The following FBF1 variants were observed in gnomAD, a reference collection of about 807,000 sequenced individuals.
FBF1 encodes the protein Fas binding factor 1.
A neutral mutation model predicts 147.2 loss-of-function variants in FBF1; 119 were observed. The ratio of observed to expected loss-of-function variants is 0.81; its 90% CI spans 0.70 to 0.94. The LOEUF is 0.94. Ranked by LOEUF, FBF1 falls within the 40% of genes least tolerant of loss-of-function variation. FBF1 has a pLI of 0.00. For missense variants in FBF1, 1,449 were observed against 1,500.8 expected, an observed-to-expected ratio of 0.97 and a Z score of 0.57; for synonymous variants, 601 against 609.0, an observed-to-expected ratio of 0.99 and a Z score of 0.19.
intron 6 of FBF1, 86 bp downstream of exon 6, chr17:75,931,143 C>T: frequency 1.4e-6 from 2 of 1,416,042 alleles, no homozygotes; most frequent in East Asian, 2.5e-5. Flanking sequence ...CTTCTAAACC[C>T]TTCCGTGGGC....
rs1214010640 is a variant in FBF1 at position 75,928,979 on chromosome 17, C to T, written c.280-786G>A. On this transcript the variant is annotated intron_variant, in intron 7 of 29. Coordinates refer to ENST00000636174, the MANE Select transcript of FBF1 (RefSeq NM_001319193.2). The surrounding 1 kb of genome is among the most constrained non-coding windows in gnomAD (Gnocchi z 4.2). ...GTGCTGGCATTACAGGAGTAAGCCA[C>T]CATGCCAGACTTTTTTTTTTTTTTT... 6.7e-6 allele frequency among the ~76,000 whole-genome samples: 1 copy of T among 150,030 alleles called. No individual in the cohort carries two copies. The highest frequency in any genetic ancestry group is 2.5e-5 in the African/African-American group (1 of 40,646).
rs146980654 is a variant in FBF1, at chr17:75,925,572, G to A, written c.869-126C>T. ...GTAAGACAAGCAGAGGGAAGCTGCT[G>A]TGAAGGGAGCACCTCAGGCACTGGC... is the stretch of plus-strand genomic sequence containing the variant. On this transcript the variant is annotated intron_variant, in intron 12 of 29. Coordinates refer to ENST00000636174, the MANE Select transcript of FBF1 (RefSeq NM_001319193.2). This position sits in a 1 kb window ranked among gnomAD's most constrained non-coding sequence, Gnocchi z 5.0. 5 of 802,924 alleles carry A rather than the reference G, an allele frequency of 6.2e-6. No homozygotes were observed. The highest frequency in any genetic ancestry group is 5.4e-5 in the East Asian group (2 of 36,698). The allele number at this position is 802,924 out of a possible 1,614,324, so 49.7% of individuals were successfully genotyped here. A position where few individuals can be genotyped will look rare whatever the true frequency, so the allele number is the denominator to read the frequency against.
chr17:75,935,703 C>T, intron 3 of FBF1, 30 bp from the exon 4 acceptor site: 3 of 1,533,762 alleles, frequency 2.0e-6, no homozygotes, highest in South Asian at 2.4e-5. Context: ...GTCATGACTT[C>T]AGGAGGAAAG....
chr17:75,928,535 G>A lies in FBF1; in HGVS notation c.280-342C>T, dbSNP rs982854899. On this transcript the variant is annotated intron_variant, in intron 7 of 29. Transcript: ENST00000636174. The surrounding 1 kb of genome is among the most constrained non-coding windows in gnomAD (Gnocchi z 4.2). Reference sequence around the variant, plus strand: ...TCTTTTTTTAGACAGGATATTGGCCGGGCGCGGTGGCTCATGCCTAGAATC... The same window carrying A: ...TCTTTTTTTAGACAGGATATTGGCCAGGCGCGGTGGCTCATGCCTAGAATC... Among the ~76,000 whole-genome samples, 12 of 152,136 alleles carry A rather than the reference G, an allele frequency of 7.9e-5. No homozygotes were observed. In the East Asian group the frequency reaches 9.7e-4, roughly 12 times the overall value.
intron 23 of FBF1, among the ~76,000 whole-genome samples, chr17:75,915,951 T>C (rs1056034756): frequency 7.2e-6 from 1 of 138,452 alleles, no homozygotes; most frequent in Non-Finnish European, 1.5e-5. Context: ...AAGTTTGCAG[T>C]GAGCTGAGAT....
chr17:75,911,139 G>A (rs1435379328), intron 29 of FBF1, among the ~76,000 whole-genome samples: 1 of 152,130 alleles, frequency 6.6e-6, no homozygotes, highest in Admixed American at 6.6e-5. Flanking sequence ...ACACAAAGCA[G>A]GCCAGGCACA....
Position 75,918,211 on chromosome 17 carries a change from G to T in FBF1, c.2197C>A (p.Leu733Met). ...HEEQLQRLKL[L>M]KDREVDAATS... Reference sequence around the variant, plus strand: ...GCCGCATCGACCTCTCGGTCCTTCAGCAGCTTTAGCCGCTGCAGCTGCTCC... The same window carrying T: ...GCCGCATCGACCTCTCGGTCCTTCATCAGCTTTAGCCGCTGCAGCTGCTCC... The change falls in exon 21 of 30, where the codon CTG (leucine) becomes ATG (methionine). Residue 733 changes from leucine (L) to methionine (M), a missense_variant. Physicochemically the swap from Leu to Met is conservative, Grantham distance 15. Transcript: ENST00000636174. The surrounding 1 kb of genome is among the most constrained non-coding windows in gnomAD (Gnocchi z 5.8). 6.2e-7 allele frequency: 1 copy of T among 1,613,470 alleles called. No individual in the cohort carries two copies. Among genetic ancestry groups the T allele is most frequent in the Non-Finnish European group, 8.5e-7 (1 of 1,179,866 alleles).
In FBF1 at chr17:75,913,949, C is replaced by G. The variant is rs773020817; in HGVS notation, c.3093G>C (p.Gln1031His). The stretch of plus-strand genomic sequence containing the variant: ...GCTGCTCCTGCTTCCGCAGCCGCTC[C>G]TGCTGTTGCTGCACCGCCTGCAACC... ...QARLQAVQQQ[Q>H]ERLRKQEQHM... Residue 1031 changes from glutamine to histidine, a missense_variant, in exon 27 of 30, where the codon CAG becomes CAC. Coordinates refer to ENST00000636174, the MANE Select transcript of FBF1 (RefSeq NM_001319193.2). 154 of 1,551,462 alleles carry G rather than the reference C, an allele frequency of 9.9e-5. No individual in the cohort carries two copies. Among genetic ancestry groups the G allele is most frequent in the Middle Eastern group, 5.0e-4 (3 of 5,978 alleles).
In FBF1 at chr17:75,912,218, C is replaced by A. The variant is rs2144148251; in HGVS notation, c.3337G>T (p.Ala1113Ser). Reference sequence around the variant, plus strand: ...TGCTCTGCCATGTGCCTCAGCAGTGCCAGCCTGGCATGGAGGTGCAAGGGG... The same window carrying A: ...TGCTCTGCCATGTGCCTCAGCAGTGACAGCCTGGCATGGAGGTGCAAGGGG... ...PSPLHLHARLALLRHMAEQDR... is the reference protein window; with the variant it reads ...PSPLHLHARLSLLRHMAEQDR... Residue 1113 changes from alanine (A) to serine (S), a missense_variant, in exon 29 of 30, where the codon GCA becomes TCA. Transcript: ENST00000636174. The A allele has an allele frequency of 1.2e-6, 2 of 1,610,280 alleles. No homozygotes were observed. Among genetic ancestry groups the A allele is most frequent in the Non-Finnish European group, 1.7e-6 (2 of 1,178,898 alleles).
intron 28 of FBF1, 148 bp downstream of exon 28, chr17:75,913,552 AAC>A (rs1476820938): frequency 8.8e-5 from 48 of 546,412 alleles, no homozygotes; most frequent in Non-Finnish European, 1.1e-4. Context: ...ATCTAAAATT[AAC>A]ACACATTATT....
Position 75,917,929 on chromosome 17 carries a change from A to G in FBF1, c.2386+2T>C. The G allele has an allele frequency of 6.3e-7, 1 of 1,596,524 alleles. No homozygotes were observed. The highest frequency in any genetic ancestry group is 8.5e-7 in the Non-Finnish European group (1 of 1,170,996). On this transcript the variant is annotated splice_donor_variant, in intron 22 of 29. Coordinates refer to ENST00000636174, the MANE Select transcript of FBF1 (RefSeq NM_001319193.2). LOFTEE classifies it high-confidence loss of function. ...CGGGGTGGCTGAGAGGGGAGGGCGT[A>G]CCCCGCAGCTGCTCGTCACGCTGCC...
At chr17:75,933,137 G>A (rs1372576617) in intron 4 of FBF1, 49 bp from the exon 5 acceptor site, 2 of 1,431,002 alleles carry the variant, frequency 1.4e-6, no homozygotes, top group Admixed American at 1.9e-5. Context: ...AAGGTACCTG[G>A]AGTCAAGATG....
intron 1 of FBF1, 116 bp from the exon 2 acceptor site, chr17:75,938,348 G>C (rs915064927): frequency 1.4e-6 from 1 of 714,730 alleles, no homozygotes; most frequent in African/African-American, 1.8e-5. Flanking sequence ...ATCACCTGAG[G>C]TCAGGAATTC....
At position 75,932,962 on chromosome 17, in the gene FBF1, G is replaced by A. The variant is rs781342704; in HGVS notation, c.167+33C>T. The A allele has an allele frequency of 1.9e-5, 28 of 1,488,468 alleles. No individual in the cohort carries two copies. In the Admixed American group the frequency reaches 1.9e-4, roughly 10 times the overall value. The allele number at this position is 1,488,468 out of a possible 1,614,324, so 92.2% of individuals were successfully genotyped here. A position where few individuals can be genotyped will look rare whatever the true frequency, so the allele number is the denominator to read the frequency against. On this transcript the variant is annotated intron_variant, in intron 5 of 29. Coordinates refer to ENST00000636174, the MANE Select transcript of FBF1 (RefSeq NM_001319193.2). ...GGCAGAGAGCATTTAGACTGAAGTA[G>A]GTCATGGATACCCAGTCGGACCCTG...
At chr17:75,938,615 A>C (rs1159387566) in intron 1 of FBF1, among the ~76,000 whole-genome samples, 1 of 149,352 alleles carries the variant, frequency 6.7e-6, no homozygotes, top group African/African-American at 2.5e-5. Context: ...TAATCCCAAA[A>C]CTCTTTGGGA....
intron 6 of FBF1, 80 bp from the exon 7 acceptor site, chr17:75,930,127 T>G: frequency 8.6e-7 from 1 of 1,159,196 alleles, no homozygotes. Context: ...TCCTGGCCCC[T>G]TGCTTCTGTT....
intron 3 of FBF1, among the ~76,000 whole-genome samples, chr17:75,937,072 T>C (rs1469079381): frequency 1.3e-5 from 2 of 152,154 alleles, no homozygotes; most frequent in Admixed American, 6.5e-5. Flanking sequence ...AAACCTCATA[T>C]CTTATTTACG....
Position 75,926,117 on chromosome 17 carries a change from G to C in FBF1, c.781C>G (p.Arg261Gly). Residue 261 changes from arginine (R) to glycine (G), a missense_variant, in exon 12 of 30, where the codon CGA becomes GGA. Physicochemically the swap from Arg to Gly is moderately radical, Grantham distance 125 (BLOSUM62 -2). Coordinates refer to ENST00000636174, the MANE Select transcript of FBF1 (RefSeq NM_001319193.2). ...GCCAGGAGTTTGGTGGCCATGCCTCGACCCAGCAGCTCATCCAGCGTGGAG... is the reference window on the plus strand; with the variant it reads ...GCCAGGAGTTTGGTGGCCATGCCTCCACCCAGCAGCTCATCCAGCGTGGAG... ...ARSTLDELLG[R>G]GMATKLLARP... The C allele has an allele frequency of 6.2e-7, 1 of 1,610,990 alleles. No individual in the cohort carries two copies. Among genetic ancestry groups the C allele is most frequent in the African/African-American group, 1.3e-5 (1 of 75,042 alleles).
At position 75,931,280 on chromosome 17, in the gene FBF1, C is replaced by T. The variant is rs773754653; in HGVS notation, c.177G>A (p.Leu59=). ...CCATGGTGCTGAAGACATCATCACCCAGGAGGGACCTGCAAAGGGGAGGCG... is the reference window on the plus strand; with the variant it reads ...CCATGGTGCTGAAGACATCATCACCTAGGAGGGACCTGCAAAGGGGAGGCG... ...PSSKARTKSL[L]GDDVFSTMAG... The change falls in exon 6 of 30, where the codon CTG becomes CTA. Residue 59 remains leucine (L), a synonymous_variant. Coordinates refer to ENST00000636174, the MANE Select transcript of FBF1 (RefSeq NM_001319193.2). The T allele has an allele frequency of 6.3e-7, 1 of 1,583,238 alleles. No homozygotes were observed. The highest frequency in any genetic ancestry group is 1.3e-5 in the African/African-American group (1 of 74,374).
Sources: allele counts gnomAD v4.1 joint callset (sites outside exome capture counted in the v4.1 genomes callset), GRCh38; gene constraint gnomAD v4.1.1; non-coding constraint Gnocchi (gnomAD v3.1); transcripts MANE v1.5; gene names NCBI Gene and HGNC (gene_info 2026-07-23, HGNC 2026-07-21).